SLCO4A1: variants seen among roughly 807,000 people sequenced by gnomAD.
The protein encoded by SLCO4A1 is colon organic anion transporter.
In SLCO4A1, 51 loss-of-function variants were observed where a neutral mutation model predicts 64.6. The observed-to-expected ratio is 0.79, with a 90% CI of 0.63 to 1.00. The LOEUF (loss-of-function observed/expected upper bound fraction) is 1.00. SLCO4A1 is among the 50% of genes least tolerant of loss of function. SLCO4A1 has a pLI of 0.00. For missense variants in SLCO4A1, 919 were observed against 980.5 expected (o/e 0.94, Z 0.84); for synonymous variants, 471 against 444.9 (o/e 1.06, Z -0.74).
downstream of SLCO4A1, among the ~76,000 whole-genome samples, chr20:62,685,981 A>T (rs549071896): frequency 1.9e-4 from 29 of 152,260 alleles, no homozygotes; most frequent in Middle Eastern, 3.4e-3. The surrounding 1 kb of genome is among the most constrained non-coding windows in gnomAD (Gnocchi z 4.6). Context: ...ATGACAGAAC[A>T]TACCATGATG....
At position 62,662,771 on chromosome 20, in the gene SLCO4A1, G is replaced by A. The variant is rs529459040; in HGVS notation, c.1121+1596G>A. 1.4e-4 allele frequency among the ~76,000 whole-genome samples: 17 copies of A among 125,272 alleles called. No homozygotes were observed. The South Asian group carries it at 4.9e-3, about 36-fold the overall frequency. 82.2% of individuals were successfully genotyped at this position (125,272 alleles called of 152,430 possible). ...CCCCCCATATGCCAGGACCCCCCCAGGGTGCCCACTCCAGCCCCGTCACAC... is the reference window on the plus strand; with the variant it reads ...CCCCCCATATGCCAGGACCCCCCCAAGGTGCCCACTCCAGCCCCGTCACAC... On this transcript the variant is annotated intron_variant, in intron 5 of 11. Coordinates refer to ENST00000217159, the MANE Select transcript of SLCO4A1 (RefSeq NM_016354.4).
At chr20:62,676,753 A>G (rs1223945217), downstream of SLCO4A1, among the ~76,000 whole-genome samples, 1 of 152,274 alleles carries the variant, frequency 6.6e-6, no homozygotes, top group Admixed American at 6.5e-5. Context: ...AAAGTTAACC[A>G]TGGAATTAGC....
At chr20:62,655,086 A>G (rs900026018) in intron 1 of SLCO4A1, among the ~76,000 whole-genome samples, 1 of 152,250 alleles carries the variant, frequency 6.6e-6, no homozygotes, top group Non-Finnish European at 1.5e-5. Flanking sequence ...ATTCGGAGGT[A>G]TTGGGGTCAA....
At chr20:62,683,003 G>T (rs1301548543) in intron 2 of SLCO4A1, among the ~76,000 whole-genome samples, 1 of 152,228 alleles carries the variant, frequency 6.6e-6, no homozygotes, top group Non-Finnish European at 1.5e-5. Context: ...CTGAAGCTGC[G>T]CAGGCTGTGA....
At chr20:62,659,767 C>T (rs955617470) in intron 3 of SLCO4A1, among the ~76,000 whole-genome samples, 3 of 152,234 alleles carry the variant, frequency 2.0e-5, no homozygotes, top group African/African-American at 7.2e-5. Context: ...CGGCTCTGCT[C>T]CCGGCCTTTG....
chr20:62,669,343 A>C (rs1188149309), intron 11 of SLCO4A1, among the ~76,000 whole-genome samples: 1 of 152,114 alleles, frequency 6.6e-6, no homozygotes, highest in Non-Finnish European at 1.5e-5. Flanking sequence ...TCCCTCTCCC[A>C]CCTCCTGGGA....
intron 6 of SLCO4A1, 88 bp downstream of exon 6, chr20:62,665,176 A>G: frequency 1.4e-6 from 2 of 1,459,398 alleles, no homozygotes; most frequent in Admixed American, 2.1e-5. Flanking sequence ...AAAGACCCAG[A>G]CAGGGCACAT....
chr20:62,653,830 A>G (rs2427367), intron 1 of SLCO4A1, among the ~76,000 whole-genome samples: 138,515 of 151,104 alleles, frequency 0.92, 64,508 homozygotes, highest in East Asian at 1. Context: ...CATAGGTGGA[A>G]ATTGAACAAT....
rs1427754905 is a variant in SLCO4A1 at position 62,642,906 on chromosome 20, GC to G, written c.-97+354del. On this transcript the variant is annotated intron_variant, in intron 1 of 11. Coordinates refer to ENST00000217159, the MANE Select transcript of SLCO4A1 (RefSeq NM_016354.4). The stretch of plus-strand genomic sequence containing the variant: ...GGCAGGGACTGTCGGAGTGGCCGGG[GC>G]AGGTGACCTGGGCAGGTGGCCCGGA... 4 of 428,946 alleles carry G rather than the reference GC, an allele frequency of 9.3e-6. No individual in the cohort carries two copies. In the East Asian group the frequency reaches 3.4e-4, roughly 37 times the overall value. The allele number at this position is 428,946 out of a possible 1,614,324, so 26.6% of individuals were successfully genotyped here.
At position 62,644,762 on chromosome 20, in the gene SLCO4A1, C is replaced by T. The variant is rs1981013728; in HGVS notation, c.-97+2209C>T. Among the ~76,000 whole-genome samples, 1 of 152,242 alleles carries T rather than the reference C, an allele frequency of 6.6e-6. No homozygotes were observed. Among genetic ancestry groups the T allele is most frequent in the Admixed American group, 6.5e-5 (1 of 15,284 alleles). On this transcript the variant is annotated intron_variant, in intron 1 of 11. Coordinates refer to ENST00000217159, the MANE Select transcript of SLCO4A1 (RefSeq NM_016354.4). The surrounding 1 kb of genome is among the most constrained non-coding windows in gnomAD (Gnocchi z 5.4). Reference sequence around the variant, plus strand: ...GGGTGGGTACTGCTGAGCCAATATACATTCCTGGCTTCCTGGACTCGTCCA... The same window carrying T: ...GGGTGGGTACTGCTGAGCCAATATATATTCCTGGCTTCCTGGACTCGTCCA...
downstream of SLCO4A1, among the ~76,000 whole-genome samples, chr20:62,687,271 TC>T (rs1988098913): frequency 6.6e-6 from 1 of 150,598 alleles, no homozygotes; most frequent in African/African-American, 2.5e-5. Context: ...CCCACGTTGT[TC>T]CAAAGGTCCA....
chr20:62,685,186 A>G lies in SLCO4A1; in HGVS notation n.212-255A>G, dbSNP rs992965124. On this transcript the variant is annotated intron_variant and non_coding_transcript_variant, in intron 2 of 2. Coordinates refer to the SLCO4A1 transcript ENST00000466818. This position sits in a 1 kb window ranked among gnomAD's most constrained non-coding sequence, Gnocchi z 4.6. Reference sequence around the variant, plus strand: ...AGGGGGGTGGTGGGGAGGCACGGGCAGGCCTTGGGTGCAGTGAAGCAGGCG... The same window carrying G: ...AGGGGGGTGGTGGGGAGGCACGGGCGGGCCTTGGGTGCAGTGAAGCAGGCG... Among the ~76,000 whole-genome samples, 17 of 144,870 alleles carry G rather than the reference A, an allele frequency of 1.2e-4. 1 individual carries two copies. In the Admixed American group the frequency reaches 1.2e-3, roughly 10 times the overall value.
In SLCO4A1 at chr20:62,665,036, G is replaced by A; in HGVS notation, c.1224G>A (p.Lys408=). 2 of 1,613,898 alleles carry A rather than the reference G, an allele frequency of 1.2e-6. No individual in the cohort carries two copies. Among genetic ancestry groups the A allele is most frequent in the Non-Finnish European group, 1.7e-6 (2 of 1,179,910 alleles). The change falls in exon 6 of 12, where the codon AAG becomes AAA. Residue 408 remains lysine (K), a synonymous_variant. Transcript: ENST00000217159. Reference sequence around the variant, plus strand: ...CCGGCATGTCCACGTTCAGCCCCAAGTTCTTGGAGTCCCAGTTCAGCCTGA... The same window carrying A: ...CCGGCATGTCCACGTTCAGCCCCAAATTCTTGGAGTCCCAGTTCAGCCTGA... The part of the protein sequence containing the change: ...LITGMSTFSP[K]FLESQFSLSA...
intron 10 of SLCO4A1, 47 bp downstream of exon 10, chr20:62,668,588 A>C: frequency 6.6e-7 from 1 of 1,521,234 alleles, no homozygotes; most frequent in Admixed American, 1.7e-5. Context: ...CAGTGTGCTC[A>C]CTGCACAAGG....
intron 5 of SLCO4A1, chr20:62,663,453 C>A (rs770836193): frequency 1.3e-5 from 2 of 152,224 alleles, no homozygotes; most frequent in Non-Finnish European, 1.5e-5. Context: ...CAGGATGTCA[C>A]TAAGCTGCAG....
chr20:62,653,644 C>T (rs1442378355), intron 1 of SLCO4A1, among the ~76,000 whole-genome samples: 1 of 152,246 alleles, frequency 6.6e-6, no homozygotes, highest in African/African-American at 2.4e-5. Flanking sequence ...TAAGCTCTAA[C>T]TCTGCCTCAA....
rs112555062 is a variant in SLCO4A1, at chr20:62,647,442, A to G, written c.-97+4889A>G. 3.3e-3 allele frequency among the ~76,000 whole-genome samples: 506 copies of G among 152,266 alleles called. 3 individuals carry two copies. Among genetic ancestry groups the G allele is most frequent in the African/African-American group, 0.011 (460 of 41,546 alleles). ...GAAGAGAAAGGAGAACTGAGACCCT[A>G]TGGTCCTGCCTGGCCTCCAAATTCT... On this transcript the variant is annotated intron_variant, in intron 1 of 11. Transcript: ENST00000217159.
intron 1 of SLCO4A1, chr20:62,650,224 G>A (rs911423642): frequency 6.6e-6 from 1 of 152,262 alleles, no homozygotes; most frequent in African/African-American, 2.4e-5. Flanking sequence ...ACTATAGGCA[G>A]GTGTGCATGT....
intron 2 of SLCO4A1, among the ~76,000 whole-genome samples, chr20:62,680,499 G>C (rs537538741): frequency 2.0e-5 from 3 of 151,952 alleles, no homozygotes; most frequent in Admixed American, 6.5e-5. Flanking sequence ...GACGTTAGCT[G>C]CATGTATTTT....
Sources: gnomAD v4.1 joint callset for allele counts (sites outside exome capture counted in the v4.1 genomes callset) on GRCh38, gnomAD v4.1.1 for gene constraint, Gnocchi (gnomAD v3.1) non-coding constraint, MANE v1.5 for transcripts, NCBI Gene and HGNC (gene_info 2026-07-23, HGNC 2026-07-21) for gene names.